The following MYO10 variants were observed in gnomAD, a reference collection of about 807,000 sequenced individuals.
MYO10 encodes the protein myosin X, also known as unconventional myosin-X.
In MYO10, 133 loss-of-function variants were observed where a neutral mutation model predicts 257.3. The observed-to-expected ratio is 0.52, with a 90% CI of 0.45 to 0.60. The LOEUF (loss-of-function observed/expected upper bound fraction) is 0.60, where lower values mean the gene tolerates loss of function less well. Among genes scored for constraint, MYO10 ranks in the 20% least tolerant of loss-of-function variants. MYO10 has a pLI of 0.00. For missense variants in MYO10, 2,399 were observed against 2,635.7 expected (o/e 0.91, Z 1.97); for synonymous variants, 1,104 against 1,028.6 (o/e 1.07, Z -1.40).
intron 25 of MYO10, among the ~76,000 whole-genome samples, 183 bp downstream of exon 25, chr5:16,700,780 A>G (rs1226643203): frequency 6.6e-6 from 1 of 152,202 alleles, no homozygotes; most frequent in African/African-American, 2.4e-5. Context: ...GGCACATCAA[A>G]GTTCTACTTA....
chr5:16,781,027 T>C (rs1037134553), intron 6 of MYO10, among the ~76,000 whole-genome samples: 2 of 152,156 alleles, frequency 1.3e-5, no homozygotes, highest in Non-Finnish European at 2.9e-5. Flanking sequence ...TTTCAGATTA[T>C]GGAAATTATA....
chr5:16,703,012 T>C lies in MYO10; in HGVS notation c.2423A>G (p.Tyr808Cys). Reference protein sequence around the residue: ...QLRGQIARRVYRQLLAEKREQ... With the variant: ...QLRGQIARRVCRQLLAEKREQ... ...CCTTTTCTCTGCCAGCAATTGTCTG[T>C]AAACTCTCCGAGCAATCTGACCTCT... The change falls in exon 23 of 41, where the codon TAC (tyrosine) becomes TGC (cysteine). Residue 808 changes from tyrosine to cysteine, a missense_variant. Transcript: ENST00000513610. 1 of 1,552,532 alleles carries C rather than the reference T, an allele frequency of 6.4e-7. No homozygotes were observed. The highest frequency in any genetic ancestry group is 8.7e-7 in the Non-Finnish European group (1 of 1,147,202).
At chr5:16,792,772 G>C (rs1741810659) in intron 4 of MYO10, among the ~76,000 whole-genome samples, 1 of 152,092 alleles carries the variant, frequency 6.6e-6, no homozygotes, top group Non-Finnish European at 1.5e-5. Flanking sequence ...CACTTGGCTG[G>C]GAGTCTTAGG....
chr5:16,735,178 T>C (rs556461086), intron 19 of MYO10, among the ~76,000 whole-genome samples: 7 of 152,254 alleles, frequency 4.6e-5, no homozygotes, highest in African/African-American at 1.7e-4. Context: ...TCGCCATAAA[T>C]TGTCTAAAGG....
intron 19 of MYO10, among the ~76,000 whole-genome samples, chr5:16,748,651 C>A (rs1169226689): frequency 6.7e-6 from 1 of 150,360 alleles, no homozygotes; most frequent in African/African-American, 2.5e-5. Context: ...GGAGAAATAG[C>A]AGGCAGCACC....
intron 4 of MYO10, among the ~76,000 whole-genome samples, chr5:16,785,128 G>C (rs1183415453): frequency 6.6e-6 from 1 of 152,248 alleles, no homozygotes; most frequent in Non-Finnish European, 1.5e-5. Flanking sequence ...GCCCAGCCGG[G>C]GCGGGGGCTG....
At chr5:16,892,098 G>C (rs993087974) in intron 1 of MYO10, among the ~76,000 whole-genome samples, 2 of 152,112 alleles carry the variant, frequency 1.3e-5, no homozygotes, top group Non-Finnish European at 2.9e-5. Context: ...CCGTTGAATG[G>C]TAAATGCATC....
chr5:16,861,323 T>C (rs1405548226), intron 2 of MYO10, among the ~76,000 whole-genome samples: 1 of 151,212 alleles, frequency 6.6e-6, no homozygotes, highest in Non-Finnish European at 1.5e-5. Context: ...CCCAGCACTT[T>C]GGGAGGCCGA....
At chr5:16,836,525 G>T (rs1196109618) in intron 2 of MYO10, among the ~76,000 whole-genome samples, 1 of 152,142 alleles carries the variant, frequency 6.6e-6, no homozygotes, top group Non-Finnish European at 1.5e-5. Flanking sequence ...TGGGCAGATG[G>T]AAACTGATGA....
chr5:16,783,612 G>C, intron 4 of MYO10, 143 bp from the exon 5 acceptor site: 1 of 944,750 alleles, frequency 1.1e-6, no homozygotes, highest in South Asian at 1.6e-5. Context: ...TTTCCAAAGA[G>C]CTGAGTTAAA....
chr5:16,749,063 T>TC (rs2126638704), intron 19 of MYO10, among the ~76,000 whole-genome samples: 1 of 152,258 alleles, frequency 6.6e-6, no homozygotes, highest in East Asian at 1.9e-4. Flanking sequence ...ACTCCACGTC[T>TC]CCAGCTTCCT....
chr5:16,705,618 T>C (rs901237047), intron 21 of MYO10, among the ~76,000 whole-genome samples: 11 of 152,212 alleles, frequency 7.2e-5, no homozygotes, highest in Admixed American at 1.3e-4. Context: ...TTTTGGTGTC[T>C]CCGCAATTTT....
chr5:16,752,644 C>T (rs1740410984), intron 19 of MYO10, among the ~76,000 whole-genome samples: 1 of 152,168 alleles, frequency 6.6e-6, no homozygotes, highest in South Asian at 2.1e-4. Flanking sequence ...TTAAATATGG[C>T]ACTATCATCC....
At position 16,706,062 on chromosome 5, in the gene MYO10, A is replaced by G. The variant is rs4090899; in HGVS notation, c.2170-1377T>C. Among the ~76,000 whole-genome samples, 402 of 152,188 alleles carry G rather than the reference A, an allele frequency of 2.6e-3. 1 individual carries two copies. Among genetic ancestry groups the G allele is most frequent in the African/African-American group, 9.3e-3 (388 of 41,528 alleles). On this transcript the variant is annotated intron_variant, in intron 21 of 40. Transcript: ENST00000513610. ...AGCCAGGCATGGTGGGGGTGCCTGT[A>G]ATCCCAGATACTTGGGAGGCTGAGG... is the stretch of plus-strand genomic sequence containing the variant.
intron 15 of MYO10, 106 bp from the exon 16 acceptor site, chr5:16,762,219 T>C: frequency 7.3e-7 from 1 of 1,362,560 alleles, no homozygotes; most frequent in African/African-American, 1.5e-5. Context: ...GTGAAAATCA[T>C]TTCCAAACTT....
At chr5:16,798,850 C>A (rs747674818) in intron 3 of MYO10, among the ~76,000 whole-genome samples, 2 of 152,070 alleles carry the variant, frequency 1.3e-5, no homozygotes, top group Non-Finnish European at 2.9e-5. Flanking sequence ...ATCAACACGG[C>A]GGGCTCAACT....
Position 16,701,399 on chromosome 5 carries a change from G to A in MYO10, c.2996C>T (p.Ala999Val). ...PEEEVDEGFE[A>V]DDDAFKDSPN... ...GGAGTCCTTGAAGGCGTCGTCGTCG[G>A]CTTCGAAGCCCTCATCGACCTCCTC... is the stretch of plus-strand genomic sequence containing the variant. Residue 999 changes from alanine (A) to valine (V), a missense_variant, in exon 25 of 41, where the codon GCC becomes GTC. Physicochemically the swap from Ala to Val is moderately conservative, Grantham distance 64 (BLOSUM62 0). Coordinates refer to ENST00000513610, the MANE Select transcript of MYO10 (RefSeq NM_012334.3). This position sits in a 1 kb window ranked among gnomAD's most constrained non-coding sequence, Gnocchi z 8.1. The A allele has an allele frequency of 6.2e-7, 1 of 1,613,952 alleles. No homozygotes were observed. Among genetic ancestry groups the A allele is most frequent in the Non-Finnish European group, 8.5e-7 (1 of 1,179,890 alleles).
chr5:16,760,982 A>T (rs188343773), intron 17 of MYO10, among the ~76,000 whole-genome samples: 70 of 138,164 alleles, frequency 5.1e-4, no homozygotes, highest in Non-Finnish European at 9.2e-4. Flanking sequence ...TATTATTATT[A>T]ATTTATTTAT....
intron 3 of MYO10, among the ~76,000 whole-genome samples, chr5:16,801,390 T>A (rs777392644): frequency 1.3e-5 from 2 of 152,064 alleles, no homozygotes; most frequent in African/African-American, 4.8e-5. Context: ...GTATTTTTAG[T>A]AGAGACGAAT....
Sources: allele counts gnomAD v4.1 joint callset (sites outside exome capture counted in the v4.1 genomes callset), GRCh38; gene constraint gnomAD v4.1.1; non-coding constraint Gnocchi (gnomAD v3.1); transcripts MANE v1.5; gene names NCBI Gene and HGNC (gene_info 2026-07-23, HGNC 2026-07-21).